Variants in PTPRR observed in about 807,000 individuals in gnomAD.
PTPRR encodes the protein receptor-type tyrosine-protein phosphatase R.
In PTPRR, 38 loss-of-function variants were observed where a neutral mutation model predicts 77.2. The ratio of observed to expected loss-of-function variants is 0.49; its 90% CI spans 0.38 to 0.65. The LOEUF is 0.65. Ranked by LOEUF, PTPRR falls within the 30% of genes least tolerant of loss-of-function variation. The pLI, the probability that PTPRR is intolerant of heterozygous loss-of-function variation, is 0.00. For missense variants in PTPRR, 744 were observed against 799.2 expected (o/e 0.93, Z 0.83); for synonymous variants, 299 against 283.1 (o/e 1.06, Z -0.57).
intron 2 of PTPRR, among the ~76,000 whole-genome samples, chr12:70,878,554 C>G (rs1893093072): frequency 6.6e-6 from 1 of 152,162 alleles, no homozygotes; most frequent in Non-Finnish European, 1.5e-5. Flanking sequence ...CAATGAGATA[C>G]CATCTCACAC....
intron 2 of PTPRR, among the ~76,000 whole-genome samples, chr12:70,856,085 A>T (rs1024154120): frequency 7.9e-5 from 12 of 151,588 alleles, no homozygotes; most frequent in Non-Finnish European, 1.2e-4. Context: ...ACTTTAAATT[A>T]AAAAAAAATC....
chr12:70,649,868 C>T (rs553367423), intron 13 of PTPRR, among the ~76,000 whole-genome samples: 8 of 152,240 alleles, frequency 5.3e-5, no homozygotes, highest in Non-Finnish European at 1.0e-4. Context: ...GACACCGTGC[C>T]GGGCCCTTTT....
chr12:70,847,111 C>T (rs532251791), intron 2 of PTPRR, among the ~76,000 whole-genome samples: 10 of 152,090 alleles, frequency 6.6e-5, no homozygotes, highest in Admixed American at 1.3e-4. Context: ...ACGCCTGACA[C>T]GAGAACTTGG....
chr12:70,869,063 T>A (rs1328566357), intron 2 of PTPRR, among the ~76,000 whole-genome samples: 3 of 146,798 alleles, frequency 2.0e-5, no homozygotes, highest in African/African-American at 7.5e-5. Context: ...AGGGATAGCA[T>A]TAGGAGATAT....
chr12:70,918,709 G>GA (rs1407119413), intron 1 of PTPRR, among the ~76,000 whole-genome samples: 1 of 151,992 alleles, frequency 6.6e-6, no homozygotes, highest in Non-Finnish European at 1.5e-5. Flanking sequence ...TGTTAGTTTT[G>GA]AAAAAATGAC....
At chr12:70,765,315 C>A (rs575900125) in intron 2 of PTPRR, among the ~76,000 whole-genome samples, 3 of 152,162 alleles carry the variant, frequency 2.0e-5, no homozygotes, top group African/African-American at 7.2e-5. Context: ...CCCAATACTG[C>A]GCTTTTCCGA....
At chr12:70,745,285 C>T (rs183975452) in intron 6 of PTPRR, among the ~76,000 whole-genome samples, 1 of 152,184 alleles carries the variant, frequency 6.6e-6, no homozygotes, top group South Asian at 2.1e-4. Context: ...ACCTCAGCCT[C>T]CCAAAGTACT....
intron 2 of PTPRR, among the ~76,000 whole-genome samples, chr12:70,865,755 T>A (rs943061765): frequency 6.6e-6 from 1 of 152,132 alleles, no homozygotes; most frequent in African/African-American, 2.4e-5. Context: ...TGTTGTAAAC[T>A]CAGATACTTA....
intron 6 of PTPRR, among the ~76,000 whole-genome samples, chr12:70,716,907 A>G (rs1310840298): frequency 6.6e-6 from 1 of 152,200 alleles, no homozygotes; most frequent in Non-Finnish European, 1.5e-5. Flanking sequence ...TAGATATGCA[A>G]CTGGTAATCA....
chr12:70,724,653 C>T (rs1382465291), intron 6 of PTPRR, among the ~76,000 whole-genome samples: 1 of 151,932 alleles, frequency 6.6e-6, no homozygotes, highest in Non-Finnish European at 1.5e-5. Context: ...TATTACTGAC[C>T]CCTATTGGTA....
intron 1 of PTPRR, among the ~76,000 whole-genome samples, chr12:70,897,738 A>G (rs999764593): frequency 6.6e-6 from 1 of 152,072 alleles, no homozygotes; most frequent in African/African-American, 2.4e-5. Flanking sequence ...CACAATAGCA[A>G]AGACTTGGAA....
At chr12:70,717,221 TTATTA>T (rs941719703) in intron 6 of PTPRR, among the ~76,000 whole-genome samples, 7 of 152,314 alleles carry the variant, frequency 4.6e-5, no homozygotes, top group Admixed American at 4.6e-4. Flanking sequence ...AATGACATTT[TTATTA>T]TATCTCCAAT....
At chr12:70,767,004 T>C (rs976215764) in intron 2 of PTPRR, among the ~76,000 whole-genome samples, 5 of 151,832 alleles carry the variant, frequency 3.3e-5, no homozygotes, top group African/African-American at 7.3e-5. Flanking sequence ...TAAAAGAACT[T>C]CTGAAGGAAG....
chr12:70,675,525 G>A (rs190135581), intron 10 of PTPRR, among the ~76,000 whole-genome samples: 74 of 151,724 alleles, frequency 4.9e-4, no homozygotes, highest in African/African-American at 9.9e-4. Context: ...TTCTCTTTTC[G>A]TGAATAACAC....
At chr12:70,695,226 G>T (rs767743813) in intron 8 of PTPRR, among the ~76,000 whole-genome samples, 1 of 152,082 alleles carries the variant, frequency 6.6e-6, no homozygotes, top group Non-Finnish European at 1.5e-5. Flanking sequence ...TTTAGTGTAG[G>T]TTAAAACTAA....
Position 70,920,532 on chromosome 12 carries a change from T to C in PTPRR, c.-142A>G, listed in dbSNP as rs900817437. The C allele has an allele frequency of 3.6e-5, 26 of 724,752 alleles. No homozygotes were observed. Among genetic ancestry groups the C allele is most frequent in the Admixed American group, 2.5e-4 (11 of 44,318 alleles). 44.9% of individuals were successfully genotyped at this position (724,752 alleles called of 1,614,324 possible). On this transcript the variant is annotated 5_prime_UTR_variant, in exon 1 of 14. Coordinates refer to ENST00000283228, the MANE Select transcript of PTPRR (RefSeq NM_002849.4). ...TGGGGTTTGCAGAGCAGTCAGTCTGTGGCGCCGACAGAAACCAGCACCAGC... is the reference window on the plus strand; with the variant it reads ...TGGGGTTTGCAGAGCAGTCAGTCTGCGGCGCCGACAGAAACCAGCACCAGC...
chr12:70,773,968 C>T (rs897343838), intron 2 of PTPRR, among the ~76,000 whole-genome samples: 3 of 152,154 alleles, frequency 2.0e-5, no homozygotes, highest in African/African-American at 4.8e-5. Flanking sequence ...GCACAATATA[C>T]GCATCTACCT....
At chr12:70,642,185 T>C (rs1287522581) in intron 13 of PTPRR, among the ~76,000 whole-genome samples, 2 of 152,156 alleles carry the variant, frequency 1.3e-5, no homozygotes, top group Non-Finnish European at 2.9e-5. Flanking sequence ...TGGTTCTCGG[T>C]AGTATTTTAA....
At chr12:70,826,694 A>G (rs1892114886) in intron 2 of PTPRR, among the ~76,000 whole-genome samples, 2 of 152,186 alleles carry the variant, frequency 1.3e-5, no homozygotes, top group East Asian at 1.9e-4. Context: ...AATGACATGA[A>G]TACTCTGAGA....
Sources: allele counts gnomAD v4.1 joint callset (sites outside exome capture counted in the v4.1 genomes callset), GRCh38; gene constraint gnomAD v4.1.1; transcripts MANE v1.5; gene names NCBI Gene and HGNC (gene_info 2026-07-23, HGNC 2026-07-21).